The following PLBD2 variants were observed in gnomAD, a reference collection of about 807,000 sequenced individuals.
PLBD2 encodes phospholipase B domain containing 2, also known as putative aminopeptidase PLBD2.
A neutral mutation model predicts 68.3 loss-of-function variants in PLBD2; 51 were observed. The ratio of observed to expected loss-of-function variants is 0.75; its 90% confidence interval spans 0.60 to 0.94. The LOEUF is 0.94. Ranked by LOEUF, PLBD2 falls within the 40% of genes least tolerant of loss-of-function variation. PLBD2 has a pLI of 0.00. For missense variants in PLBD2, 729 were observed against 792.2 expected (o/e 0.92, Z 0.96); for synonymous variants, 314 against 339.3 (o/e 0.93, Z 0.82).
intron 1 of PLBD2, 35 bp downstream of exon 1, chr12:113,358,925 G>C: frequency 5.4e-6 from 8 of 1,482,960 alleles, no homozygotes; most frequent in South Asian, 2.6e-5. Context: ...GGGGCCATCG[G>C]GGGAGGGGGA....
chr12:113,367,742 C>A (rs1957353357), intron 1 of PLBD2, among the ~76,000 whole-genome samples: 1 of 123,994 alleles, frequency 8.1e-6, no homozygotes, highest in African/African-American at 3.4e-5. Context: ...CAGCAAGATG[C>A]TGTCTCAAAA....
rs12766 is a variant in PLBD2, at chr12:113,391,156, A to G, written c.*2530A>G. 1 of 152,038 alleles carries G rather than the reference A, an allele frequency of 6.6e-6. No homozygotes were observed. Among genetic ancestry groups the G allele is most frequent in the Non-Finnish European group, 1.5e-5 (1 of 68,014 alleles). The allele number at this position is 152,038 out of a possible 1,614,324, so 9.4% of individuals were successfully genotyped here. On this transcript the variant is annotated 3_prime_UTR_variant, in exon 12 of 12. Coordinates refer to ENST00000280800, the MANE Select transcript of PLBD2 (RefSeq NM_173542.4). ...GGTATACAGACAGATACAAAAAAAA[A>G]GGCTCTCTCCCTGTCTGATCTCATG...
chr12:113,387,907 G>T lies in PLBD2; in HGVS notation c.1602+1G>T. 3 of 1,614,110 alleles carry T rather than the reference G, an allele frequency of 1.9e-6. No homozygotes were observed. The highest frequency in any genetic ancestry group is 2.5e-6 in the Non-Finnish European group (3 of 1,179,968). ...CTCCCATGGGGGTATCGATGTGAAGGTGCTGCCTCCTCCCTAGGGCCTGAG... is the reference window on the plus strand; with the variant it reads ...CTCCCATGGGGGTATCGATGTGAAGTTGCTGCCTCCTCCCTAGGGCCTGAG... On this transcript the variant is annotated splice_donor_variant, in intron 11 of 11. Transcript: ENST00000280800. LOFTEE classifies it high-confidence loss of function.
At chr12:113,367,432 T>C (rs982279596) in intron 1 of PLBD2, among the ~76,000 whole-genome samples, 1 of 152,140 alleles carries the variant, frequency 6.6e-6, no homozygotes, top group Non-Finnish European at 1.5e-5. Flanking sequence ...GGACTGGCAG[T>C]GTTGGCATTA....
chr12:113,361,351 T>G (rs1259646713), intron 1 of PLBD2, among the ~76,000 whole-genome samples: 4 of 147,110 alleles, frequency 2.7e-5, no homozygotes, highest in African/African-American at 1.0e-4. Context: ...GTTTTTTTTT[T>G]TTTTTTGAGA....
Position 113,384,102 on chromosome 12 carries a change from C to A in PLBD2, c.958-3C>A. The A allele has an allele frequency of 6.2e-7, 1 of 1,603,112 alleles. No individual in the cohort carries two copies. The highest frequency in any genetic ancestry group is 8.5e-7 in the Non-Finnish European group (1 of 1,173,154). On this transcript the variant is annotated splice_polypyrimidine_tract_variant and splice_region_variant and intron_variant, in intron 6 of 11. Coordinates refer to ENST00000280800, the MANE Select transcript of PLBD2 (RefSeq NM_173542.4). This position sits in a 1 kb window ranked among gnomAD's most constrained non-coding sequence, Gnocchi z 4.2. ...TGCAGCAGCCCCCTTGACCTTCCCA[C>A]AGGTGACACTGGAGACCACCATTGG...
chr12:113,388,452 TC>T lies in PLBD2; in HGVS notation c.1603-3del. 1 of 1,577,184 alleles carries T rather than the reference TC, an allele frequency of 6.3e-7. No homozygotes were observed. On this transcript the variant is annotated splice_region_variant and splice_polypyrimidine_tract_variant and intron_variant, in intron 11 of 11. Transcript: ENST00000280800. ...CCTGCTCAGCTGCGGCTCTGCCCTG[TC>T]CCCAGGTGACCAGCATGTCACTGGC...
chr12:113,375,151 T>C (rs1004572948), intron 5 of PLBD2, 144 bp downstream of exon 5: 1 of 782,030 alleles, frequency 1.3e-6, no homozygotes, highest in Non-Finnish European at 2.0e-6. Context: ...TTTGGTTTTG[T>C]TTTTTTCTTT....
rs1209547269 is a variant in PLBD2, at chr12:113,382,835, TTG to T, written c.958-1238_958-1237del. Among the ~76,000 whole-genome samples, 621 of 106,602 alleles carry T rather than the reference TTG, an allele frequency of 5.8e-3. 5 individuals carry two copies. Among genetic ancestry groups the T allele is most frequent in the Middle Eastern group, 7.6e-3 (1 of 132 alleles). The allele number at this position is 106,602 out of a possible 152,430, so 69.9% of individuals were successfully genotyped here. A position where few individuals can be genotyped will look rare whatever the true frequency, so the allele number is the denominator to read the frequency against. ...TGGGGGTGGTGGTGGTGGTGGTTTT[TTG>T]TGTGTGTGTGTGTGTGTGTGTGTGT... On this transcript the variant is annotated intron_variant, in intron 6 of 11. Transcript: ENST00000280800.
chr12:113,358,863 A>T lies in PLBD2; in HGVS notation c.263A>T (p.Asn88Ile). The T allele has an allele frequency of 6.6e-7, 1 of 1,525,554 alleles. No homozygotes were observed. Among genetic ancestry groups the T allele is most frequent in the South Asian group, 1.2e-5 (1 of 82,130 alleles). The allele number at this position is 1,525,554 out of a possible 1,614,324, so 94.5% of individuals were successfully genotyped here. The change falls in exon 1 of 12, where the codon AAC (asparagine) becomes ATC (isoleucine). Residue 88 changes from asparagine (N) to isoleucine (I), a missense_variant. Coordinates refer to ENST00000280800, the MANE Select transcript of PLBD2 (RefSeq NM_173542.4). ...GRHPDAVAWA[N>I]LTNAIRETGW... Reference sequence around the variant, plus strand: ...CACCCTGACGCCGTGGCCTGGGCCAACCTCACCAACGCCATCCGCGAGACT... The same window carrying T: ...CACCCTGACGCCGTGGCCTGGGCCATCCTCACCAACGCCATCCGCGAGACT...
At position 113,372,651 on chromosome 12, in the gene PLBD2, C is replaced by A. The variant is rs1412989284; in HGVS notation, c.387C>A (p.Leu129=). The stretch of plus-strand genomic sequence containing the variant: ...CTCGCCCACCCCCTACCCCACAGCT[C>A]ATCTACATGCACTGGATGAACACGG... ...GVVEAAVSEE[L]IYMHWMNTVV... The change falls in exon 3 of 12, where the codon CTC becomes CTA. Residue 129 remains leucine, a splice_region_variant and synonymous_variant. Transcript: ENST00000280800. This position sits in a 1 kb window ranked among gnomAD's most constrained non-coding sequence, Gnocchi z 4.2. The A allele has an allele frequency of 2.5e-6, 4 of 1,612,830 alleles. No individual in the cohort carries two copies. The highest frequency in any genetic ancestry group is 4.5e-5 in the East Asian group (2 of 44,846).
chr12:113,379,257 G>A (rs533405406), intron 5 of PLBD2, among the ~76,000 whole-genome samples: 3 of 144,316 alleles, frequency 2.1e-5, no homozygotes, highest in Non-Finnish European at 3.0e-5. Context: ...GCAGTGAGCC[G>A]AGATCCCCCC....
chr12:113,387,250 G>A (rs909298128), intron 10 of PLBD2, among the ~76,000 whole-genome samples, 161 bp downstream of exon 10: 9 of 152,042 alleles, frequency 5.9e-5, no homozygotes, highest in South Asian at 2.1e-4. Flanking sequence ...CTCGGTGGCC[G>A]CTCTCCACTT....
intron 3 of PLBD2, 133 bp from the exon 4 acceptor site, chr12:113,374,341 C>A: frequency 1.6e-6 from 1 of 625,410 alleles, no homozygotes. Context: ...TCAAGGCTGG[C>A]TGGAGTCTGG....
At chr12:113,368,082 GA>G (rs71086161) in intron 1 of PLBD2, among the ~76,000 whole-genome samples, 5,570 of 142,462 alleles carry the variant, frequency 0.039, 150 homozygotes, top group Middle Eastern at 0.099. Context: ...TCTGTCTCAG[GA>G]AAAAAAAAAA....
At chr12:113,361,340 TG>T (rs1478862358) in intron 1 of PLBD2, among the ~76,000 whole-genome samples, 128 of 147,410 alleles carry the variant, frequency 8.7e-4, no homozygotes, top group African/African-American at 2.5e-3. Context: ...TTTTTTTTTT[TG>T]TTTTTTTTTT....
In PLBD2 at chr12:113,386,952, G is replaced by C. The variant is rs370292145; in HGVS notation, c.1302G>C (p.Val434=). ...TCCCCGGCAGGTCCTTCGAGACTGTGTTCAATGCCAGTGGGCTGCAGGCCC... is the reference window on the plus strand; with the variant it reads ...TCCCCGGCAGGTCCTTCGAGACTGTCTTCAATGCCAGTGGGCTGCAGGCCC... ...ASYNIPSFET[V]FNASGLQALV... The change falls in exon 10 of 12, where the codon GTG becomes GTC. Residue 434 remains valine, a synonymous_variant. Transcript: ENST00000280800. 10 of 1,613,230 alleles carry C rather than the reference G, an allele frequency of 6.2e-6. No homozygotes were observed. The African/African-American group carries it at 9.3e-5, about 15-fold the overall frequency.
At position 113,388,446 on chromosome 12, in the gene PLBD2, G is replaced by T; in HGVS notation, c.1603-13G>T. ...AGGACCCCTGCTCAGCTGCGGCTCTGCCCTGTCCCCAGGTGACCAGCATGT... is the reference window on the plus strand; with the variant it reads ...AGGACCCCTGCTCAGCTGCGGCTCTTCCCTGTCCCCAGGTGACCAGCATGT... On this transcript the variant is annotated splice_polypyrimidine_tract_variant and intron_variant, in intron 11 of 11. Coordinates refer to ENST00000280800, the MANE Select transcript of PLBD2 (RefSeq NM_173542.4). The T allele has an allele frequency of 1.3e-6, 2 of 1,564,738 alleles. No individual in the cohort carries two copies. Among genetic ancestry groups the T allele is most frequent in the Non-Finnish European group, 8.6e-7 (1 of 1,160,306 alleles).
At position 113,377,383 on chromosome 12, in the gene PLBD2, C is replaced by A. The variant is rs141484295; in HGVS notation, c.859+2376C>A. On this transcript the variant is annotated intron_variant, in intron 5 of 11. Transcript: ENST00000280800. ...TCCCTCGTATCCCTTTCCAGGCACA[C>A]CCCCACCCCAGCATCATCTCTGTCC... Among the ~76,000 whole-genome samples, 1,512 of 152,206 alleles carry A rather than the reference C, an allele frequency of 9.9e-3. 23 individuals carry two copies. The highest frequency in any genetic ancestry group is 0.014 in the Non-Finnish European group (934 of 68,004).
Sources: gnomAD v4.1 joint callset for allele counts (sites outside exome capture counted in the v4.1 genomes callset) on GRCh38, gnomAD v4.1.1 for gene constraint, Gnocchi (gnomAD v3.1) non-coding constraint, MANE v1.5 for transcripts, NCBI Gene and HGNC (gene_info 2026-07-23, HGNC 2026-07-21) for gene names.